The following FCRL5 variants were observed in gnomAD, a reference collection of about 807,000 sequenced individuals.
FCRL5 encodes Fc receptor like 5, also known as Fc receptor-like protein 5.
A neutral mutation model predicts 92.1 loss-of-function variants in FCRL5; 79 were observed. That is an observed-to-expected ratio of 0.86 (90% CI 0.72 to 1.03). The LOEUF (loss-of-function observed/expected upper bound fraction) is 1.03, where lower values mean the gene tolerates loss of function less well. Among genes scored for constraint, FCRL5 ranks in the 50% least tolerant of loss-of-function variants. FCRL5 has a pLI of 0.00. For missense variants in FCRL5, 1,160 were observed against 1,181.1 expected, an observed-to-expected ratio of 0.98 and a Z score of 0.26; for synonymous variants, 466 against 469.3, an observed-to-expected ratio of 0.99 and a Z score of 0.09.
rs182244525 is a variant in FCRL5, at chr1:157,543,198, A to T, written c.845-61T>A. ...TGCCTCTTACTGTAGATTACAAGGC[A>T]TGGCCAGTGCAAATGCCCAGTCTCC... On this transcript the variant is annotated intron_variant, in intron 5 of 16. Coordinates refer to ENST00000361835, the MANE Select transcript of FCRL5 (RefSeq NM_031281.3). 2.2e-5 allele frequency: 34 copies of T among 1,536,866 alleles called. No homozygotes were observed. In the East Asian group the frequency reaches 7.5e-4, roughly 34 times the overall value.
chr1:157,519,629 C>T, intron 13 of FCRL5, 114 bp downstream of exon 13: 3 of 1,205,948 alleles, frequency 2.5e-6, no homozygotes, highest in South Asian at 1.3e-5. Context: ...TGGCCACACC[C>T]CAGCTCAGCA....
At chr1:157,529,911 T>C (rs957438449) in intron 8 of FCRL5, among the ~76,000 whole-genome samples, 2 of 152,162 alleles carry the variant, frequency 1.3e-5, no homozygotes, top group Non-Finnish European at 2.9e-5. Flanking sequence ...AAATTACTAC[T>C]AAAGAAGTTA....
intron 6 of FCRL5, among the ~76,000 whole-genome samples, chr1:157,541,026 C>T (rs1651234814): frequency 6.6e-6 from 1 of 152,212 alleles, no homozygotes; most frequent in Non-Finnish European, 1.5e-5. Flanking sequence ...TGATTCTAGT[C>T]TGTCTTCTGC....
At chr1:157,518,357 T>C (rs1650021707) in intron 15 of FCRL5, 72 bp downstream of exon 15, 2 of 1,346,134 alleles carry the variant, frequency 1.5e-6, no homozygotes, top group African/African-American at 1.4e-5. Context: ...TCAGATCTGC[T>C]GAGTGGGTAG....
intron 7 of FCRL5, among the ~76,000 whole-genome samples, chr1:157,538,316 C>T (rs1239664929): frequency 2.0e-5 from 3 of 152,210 alleles, no homozygotes; most frequent in East Asian, 1.9e-4. Context: ...ACTGAGGCCG[C>T]TTCCGGGACC....
intron 9 of FCRL5, among the ~76,000 whole-genome samples, chr1:157,524,874 G>A (rs747021737): frequency 6.6e-6 from 1 of 152,200 alleles, no homozygotes; most frequent in Non-Finnish European, 1.5e-5. Flanking sequence ...ATGAAGAACA[G>A]GAGAGACTTG....
intron 10 of FCRL5, chr1:157,522,127 G>A (rs1032664058): frequency 1.2e-4 from 18 of 152,172 alleles, no homozygotes; most frequent in African/African-American, 4.3e-4. Flanking sequence ...TAGGTTTGTA[G>A]ATTATTTCTA....
chr1:157,535,242 C>G (rs764160688), intron 7 of FCRL5, among the ~76,000 whole-genome samples: 4 of 152,238 alleles, frequency 2.6e-5, no homozygotes, highest in Non-Finnish European at 5.9e-5. Context: ...ACCATGCAGG[C>G]TTCCCTGCAA....
chr1:157,517,132 C>T lies in FCRL5; in HGVS notation c.2813-1259G>A, dbSNP rs190832398. On this transcript the variant is annotated intron_variant, in intron 15 of 16. Transcript: ENST00000361835. ...AGGACTTTGTTCCTCTTTCCTGCTC[C>T]GAGTAAGGAGGCAGCCGGGCTGGGA... Among the ~76,000 whole-genome samples, 190 of 152,298 alleles carry T rather than the reference C, an allele frequency of 1.2e-3. 1 individual carries two copies. In the South Asian group the frequency reaches 0.022, roughly 17 times the overall value.
intron 8 of FCRL5, chr1:157,532,919 A>G (rs1443252114): frequency 6.6e-6 from 1 of 152,086 alleles, no homozygotes; most frequent in Non-Finnish European, 1.5e-5. Context: ...CAGAAGGCTT[A>G]GTGCATTCTC....
In FCRL5 at chr1:157,515,142, G is replaced by A. The variant is rs1007216253; in HGVS notation, c.*533C>T. The A allele has an allele frequency of 5.2e-5, 9 of 172,826 alleles. No homozygotes were observed. The highest frequency in any genetic ancestry group is 1.1e-4 in the Admixed American group (2 of 18,516). 10.7% of individuals were successfully genotyped at this position (172,826 alleles called of 1,614,324 possible). A position where few individuals can be genotyped will look rare whatever the true frequency, so the allele number is the denominator to read the frequency against. On this transcript the variant is annotated 3_prime_UTR_variant, in exon 17 of 17. Coordinates refer to ENST00000361835, the MANE Select transcript of FCRL5 (RefSeq NM_031281.3). ...TGGAGGAGTGTGAAATGCAGCCCCC[G>A]TGGGGAGACCCATCACATGTCCCAT... is the stretch of plus-strand genomic sequence containing the variant.
Position 157,549,036 on chromosome 1 carries a change from A to T in FCRL5, c.52+524T>A, listed in dbSNP as rs113282545. Among the ~76,000 whole-genome samples, 1,307 of 152,250 alleles carry T rather than the reference A, an allele frequency of 8.6e-3. 19 individuals are homozygous for T. The highest frequency in any genetic ancestry group is 0.03 in the African/African-American group (1,250 of 41,524). ...AGTAGCAAAGACTTGGAACCAACCC[A>T]AATGTCCAACAATGATAGACTGGAT... On this transcript the variant is annotated intron_variant, in intron 2 of 16. Coordinates refer to ENST00000361835, the MANE Select transcript of FCRL5 (RefSeq NM_031281.3).
chr1:157,544,150 T>C (rs1651406578), intron 5 of FCRL5, 112 bp downstream of exon 5: 1 of 1,098,564 alleles, frequency 9.1e-7, no homozygotes, highest in Admixed American at 1.9e-5. Context: ...CAACTCCCAT[T>C]CTCACAGGTA....
At chr1:157,537,305 G>A (rs1431595368) in intron 7 of FCRL5, among the ~76,000 whole-genome samples, 7 of 152,168 alleles carry the variant, frequency 4.6e-5, no homozygotes, top group Admixed American at 1.3e-4. Flanking sequence ...TGAAATGGCC[G>A]CTTTGGGGAT....
In FCRL5 at chr1:157,524,444, A is replaced by T; in HGVS notation, c.2074T>A (p.Trp692Arg). 2 of 1,614,252 alleles carry T rather than the reference A, an allele frequency of 1.2e-6. No homozygotes were observed. Among genetic ancestry groups the T allele is most frequent in the African/African-American group, 1.3e-5 (1 of 75,076 alleles). The change falls in exon 10 of 17, where the codon TGG becomes AGG. Residue 692 changes from tryptophan to arginine, a missense_variant. Transcript: ENST00000361835. The part of the protein sequence containing the change: ...ALRGSSPILY[W>R]FYHEDVTLGK... Reference sequence around the variant, plus strand: ...AGGGTGACATCTTCATGATAAAACCAGTACAGGATTGGGGAGGAGCCTCTC... The same window carrying T: ...AGGGTGACATCTTCATGATAAAACCTGTACAGGATTGGGGAGGAGCCTCTC...
At chr1:157,541,203 G>A (rs990613268) in intron 6 of FCRL5, among the ~76,000 whole-genome samples, 3 of 152,172 alleles carry the variant, frequency 2.0e-5, no homozygotes, top group African/African-American at 7.2e-5. Context: ...TTCAACCGGA[G>A]TCCTTCCTTC....
chr1:157,534,232 G>C (rs1391531098), intron 8 of FCRL5: 1 of 596,326 alleles, frequency 1.7e-6, no homozygotes, highest in Non-Finnish European at 3.1e-6. Flanking sequence ...AAATCCTTTG[G>C]AGAATTTAAG....
At chr1:157,516,048 G>GCCTCT in intron 15 of FCRL5, 175 bp from the exon 16 acceptor site, 1 of 711,350 alleles carries the variant, frequency 1.4e-6, no homozygotes, top group African/African-American at 1.7e-5. Flanking sequence ...AACTCCCTCA[G>GCCTCT]CCTCTCAGCA....
Position 157,546,430 on chromosome 1 carries a change from A to AG in FCRL5, c.307+512dup, listed in dbSNP as rs200666231. The AG allele has an allele frequency of 7.7e-3, 2,186 of 282,726 alleles. 43 individuals carry two copies. The highest frequency in any genetic ancestry group is 0.047 in the African/African-American group (2,038 of 43,660). 17.5% of individuals were successfully genotyped at this position (282,726 alleles called of 1,614,324 possible). On this transcript the variant is annotated intron_variant, in intron 3 of 16. Transcript: ENST00000361835. ...GCCACTGCACTCCAGCCTGGGTGAC[A>AG]GAGCGAGACTCCATCTCAAAAAACC...
Sources: allele counts gnomAD v4.1 joint callset (sites outside exome capture counted in the v4.1 genomes callset), GRCh38; gene constraint gnomAD v4.1.1; transcripts MANE v1.5; gene names NCBI Gene and HGNC (gene_info 2026-07-23, HGNC 2026-07-21).